FAM117A: variants seen among roughly 807,000 people sequenced by gnomAD.
FAM117A encodes family with sequence similarity 117 member A, also known as protein FAM117A.
A neutral mutation model predicts 44.1 loss-of-function variants in FAM117A; 21 were observed. The ratio of observed to expected loss-of-function variants is 0.48; its 90% CI spans 0.34 to 0.69. The LOEUF is 0.69. Among genes scored for constraint, FAM117A ranks in the 30% least tolerant of loss-of-function variants. The pLI is 0.01. For missense variants in FAM117A, 498 were observed against 589.9 expected, an observed-to-expected ratio of 0.84 and a Z score of 1.61; for synonymous variants, 220 against 238.3, an observed-to-expected ratio of 0.92 and a Z score of 0.71.
At chr17:49,711,802 T>C (rs553784558) in intron 7 of FAM117A, among the ~76,000 whole-genome samples, 8 of 152,318 alleles carry the variant, frequency 5.3e-5, no homozygotes, top group African/African-American at 1.7e-4. Flanking sequence ...GAGAACTTCC[T>C]GACAATGTGA....
intron 1 of FAM117A, among the ~76,000 whole-genome samples, chr17:49,776,458 T>C (rs2073775844): frequency 6.6e-6 from 1 of 152,160 alleles, no homozygotes; most frequent in African/African-American, 2.4e-5. Flanking sequence ...TCCACAGCCC[T>C]AAAGACTCTA....
At chr17:49,758,313 AGAGT>A (rs1262384520) in intron 1 of FAM117A, among the ~76,000 whole-genome samples, 2 of 148,690 alleles carry the variant, frequency 1.3e-5, no homozygotes, top group Admixed American at 1.4e-4. Context: ...CCTGGGTGAC[AGAGT>A]GAGAGTCCGT....
intron 3 of FAM117A, among the ~76,000 whole-genome samples, chr17:49,722,006 G>A (rs2073537029): frequency 6.6e-6 from 1 of 152,192 alleles, no homozygotes; most frequent in African/African-American, 2.4e-5. Flanking sequence ...GGCTGAGGCA[G>A]GAGAATCGCT....
chr17:49,722,082 G>C lies in FAM117A; in HGVS notation c.462+417C>G, dbSNP rs529668435. Among the ~76,000 whole-genome samples the C allele has an allele frequency of 1.4e-4, 21 of 152,276 alleles. 1 individual carries two copies. The South Asian group carries it at 4.3e-3, about 32-fold the overall frequency. On this transcript the variant is annotated intron_variant, in intron 3 of 7. Coordinates refer to ENST00000240364, the MANE Select transcript of FAM117A (RefSeq NM_030802.4). ...CCACTGTACTCCAGCCTGGCCAGTA[G>C]AGACTCTGTTTCCAAAAACAAACAA...
chr17:49,744,520 A>G (rs1484038842), intron 1 of FAM117A, among the ~76,000 whole-genome samples: 1 of 149,818 alleles, frequency 6.7e-6, no homozygotes, highest in African/African-American at 2.5e-5. Context: ...GGATCTCCCT[A>G]TGTTGCCTAG....
intron 4 of FAM117A, 196 bp downstream of exon 4, chr17:49,720,130 G>T: frequency 1.5e-6 from 1 of 669,286 alleles, no homozygotes; most frequent in Non-Finnish European, 2.5e-6. Flanking sequence ...GGGGATGGGG[G>T]TAGAAGAGAG....
intron 1 of FAM117A, among the ~76,000 whole-genome samples, chr17:49,756,435 AG>A (rs1197504470): frequency 6.6e-6 from 1 of 152,038 alleles, no homozygotes; most frequent in Non-Finnish European, 1.5e-5. Flanking sequence ...GGGGTGAACT[AG>A]GCTGCCCCCT....
At chr17:49,752,721 C>A (rs2073682407) in intron 1 of FAM117A, among the ~76,000 whole-genome samples, 1 of 152,114 alleles carries the variant, frequency 6.6e-6, no homozygotes, top group Non-Finnish European at 1.5e-5. Flanking sequence ...CACTCAAAAG[C>A]CGCCACCATA....
intron 1 of FAM117A, among the ~76,000 whole-genome samples, chr17:49,760,388 G>C (rs927172135): frequency 6.6e-6 from 1 of 152,146 alleles, no homozygotes; most frequent in Non-Finnish European, 1.5e-5. Flanking sequence ...TAGGCTTTGT[G>C]AGCCCTACAG....
intron 1 of FAM117A, among the ~76,000 whole-genome samples, chr17:49,772,124 TC>T (rs1222375570): frequency 6.6e-6 from 1 of 151,834 alleles, no homozygotes; most frequent in Non-Finnish European, 1.5e-5. Context: ...AGACCTGGTC[TC>T]TAGTAAAAAT....
chr17:49,759,879 C>A (rs1314484636), intron 1 of FAM117A, among the ~76,000 whole-genome samples: 9 of 152,172 alleles, frequency 5.9e-5, no homozygotes. Context: ...TTTAGGGCAA[C>A]CATGACTACT....
upstream of FAM117A, among the ~76,000 whole-genome samples, chr17:49,766,946 G>A (rs149302214): frequency 3.9e-5 from 6 of 152,276 alleles, no homozygotes; most frequent in Admixed American, 3.9e-4. Flanking sequence ...GAACCTGGAC[G>A]GTAGAAAAAG....
chr17:49,781,471 T>C (rs1366213634), intron 1 of FAM117A, among the ~76,000 whole-genome samples: 3 of 152,160 alleles, frequency 2.0e-5, no homozygotes, highest in Non-Finnish European at 4.4e-5. Flanking sequence ...AGAAGCAATA[T>C]ATAAGTGGCA....
chr17:49,718,868 T>C (rs557459874), intron 5 of FAM117A, among the ~76,000 whole-genome samples: 4 of 149,492 alleles, frequency 2.7e-5, no homozygotes, highest in African/African-American at 9.9e-5. Flanking sequence ...TCCCAGCTAC[T>C]GGGGAGGCTA....
intron 1 of FAM117A, 55 bp downstream of exon 1, chr17:49,763,837 C>G: frequency 2.3e-6 from 2 of 861,496 alleles, no homozygotes; most frequent in Non-Finnish European, 3.0e-6. Context: ...CGCGGTCACG[C>G]GCCCCCCCTC....
At chr17:49,771,530 T>C (rs2073761047) in intron 1 of FAM117A, among the ~76,000 whole-genome samples, 1 of 152,032 alleles carries the variant, frequency 6.6e-6, no homozygotes, top group Non-Finnish European at 1.5e-5. Context: ...ATAAGCTTCC[T>C]AAGGAGAGCA....
At chr17:49,720,553 G>A (rs899731799) in intron 3 of FAM117A, 117 bp from the exon 4 acceptor site, 2 of 721,842 alleles carry the variant, frequency 2.8e-6, no homozygotes, top group African/African-American at 1.8e-5. Context: ...CAAGGAGGAT[G>A]GAAGTTAATC....
At chr17:49,781,701 G>A (rs1199758974) in intron 1 of FAM117A, among the ~76,000 whole-genome samples, 2 of 152,200 alleles carry the variant, frequency 1.3e-5, no homozygotes, top group Non-Finnish European at 2.9e-5. Flanking sequence ...TTTCAGCCAG[G>A]CACAGTGGCT....
intron 1 of FAM117A, among the ~76,000 whole-genome samples, chr17:49,786,503 G>A (rs1449396599): frequency 1.3e-5 from 2 of 152,174 alleles, no homozygotes; most frequent in African/African-American, 2.4e-5. Context: ...TGAGCCAGGC[G>A]CAGTGGCTCA....
Sources: allele counts gnomAD v4.1 joint callset (sites outside exome capture counted in the v4.1 genomes callset), GRCh38; gene constraint gnomAD v4.1.1; transcripts MANE v1.5; gene names NCBI Gene and HGNC (gene_info 2026-07-23, HGNC 2026-07-21).